The following MSRB2 variants were observed in gnomAD, a reference collection of about 807,000 sequenced individuals.
MSRB2 encodes the protein methionine sulfoxide reductase B2, also known as methionine-R-sulfoxide reductase B2, mitochondrial.
In MSRB2, 17 loss-of-function variants were observed where a neutral mutation model predicts 19.0. That is an observed-to-expected ratio of 0.89 (90% CI 0.61 to 1.34). The LOEUF (loss-of-function observed/expected upper bound fraction) is 1.34. MSRB2 is among the 40% of genes most tolerant of loss of function. The probability of loss-of-function intolerance (pLI) is 0.00; values close to 1 mark genes in which losing one functional copy is unlikely to be tolerated. For missense variants in MSRB2, 208 were observed against 237.6 expected (o/e 0.88, Z 0.82); for synonymous variants, 107 against 99.7 (o/e 1.07, Z -0.44).
chr10:23,100,178 C>T (rs766376337), intron 1 of MSRB2, among the ~76,000 whole-genome samples: 3 of 152,158 alleles, frequency 2.0e-5, no homozygotes, highest in African/African-American at 7.2e-5. Flanking sequence ...TATCATGATG[C>T]GTTTAGTCCT....
At chr10:23,119,948 T>C (rs558130075) in intron 4 of MSRB2, among the ~76,000 whole-genome samples, 1 of 152,336 alleles carries the variant, frequency 6.6e-6, no homozygotes, top group Non-Finnish European at 1.5e-5. Flanking sequence ...CTCCCTTCAA[T>C]CTGGGCACTG....
In MSRB2 at chr10:23,096,352, CTGTGTG is replaced by C. The variant is rs767702970; in HGVS notation, c.118+642_118+647del. ...TGTGTGTGTGTGTCTCTCTCTCTCT[CTGTGTG>C]TGTGTGTGTGTGTGTTTCTGCTAAA... On this transcript the variant is annotated intron_variant, in intron 1 of 4. Coordinates refer to ENST00000376510, the MANE Select transcript of MSRB2 (RefSeq NM_012228.4). Among the ~76,000 whole-genome samples, 1,238 of 142,826 alleles carry C rather than the reference CTGTGTG, an allele frequency of 8.7e-3. 13 individuals carry two copies. The highest frequency in any genetic ancestry group is 0.013 in the Non-Finnish European group (858 of 66,286). The allele number at this position is 142,826 out of a possible 152,430, so 93.7% of individuals were successfully genotyped here. A position where few individuals can be genotyped will look rare whatever the true frequency, so the allele number is the denominator to read the frequency against.
Position 23,104,334 on chromosome 10 carries a change from C to T in MSRB2, c.219+90C>T. The T allele has an allele frequency of 3.1e-6, 3 of 960,652 alleles. No individual in the cohort carries two copies. The South Asian group carries it at 4.9e-5, about 16-fold the overall frequency. 59.5% of individuals were successfully genotyped at this position (960,652 alleles called of 1,614,324 possible). ...GGTCCAGCTATGAAACCCAGCTGCC[C>T]AGCAACACTCCACAGGCCTGGTCTT... On this transcript the variant is annotated intron_variant, in intron 2 of 4. Coordinates refer to ENST00000376510, the MANE Select transcript of MSRB2 (RefSeq NM_012228.4).
At chr10:23,105,935 C>A (rs1489975860) in intron 2 of MSRB2, among the ~76,000 whole-genome samples, 1 of 152,172 alleles carries the variant, frequency 6.6e-6, no homozygotes, top group Non-Finnish European at 1.5e-5. Flanking sequence ...CTACATTAGC[C>A]ATTTGTGTAG....
intron 3 of MSRB2, 104 bp from the exon 4 acceptor site, chr10:23,119,200 G>A: frequency 7.2e-7 from 1 of 1,394,214 alleles, no homozygotes; most frequent in South Asian, 1.2e-5. Flanking sequence ...TGGCAGAGGA[G>A]AGTGGGAACA....
At chr10:23,104,101 G>A (rs1383110038) in intron 1 of MSRB2, 43 bp from the exon 2 acceptor site, 2 of 1,522,744 alleles carry the variant, frequency 1.3e-6, no homozygotes, top group Non-Finnish European at 1.8e-6. Flanking sequence ...AGTCCATCAG[G>A]CATTTTTGTT....
At chr10:23,106,757 T>C (rs1839991442) in intron 2 of MSRB2, among the ~76,000 whole-genome samples, 1 of 152,206 alleles carries the variant, frequency 6.6e-6, no homozygotes, top group Non-Finnish European at 1.5e-5. Flanking sequence ...ACAGGCCTAG[T>C]GGAGGCCATG....
At chr10:23,113,656 G>T (rs1840078961) in intron 3 of MSRB2, among the ~76,000 whole-genome samples, 1 of 152,140 alleles carries the variant, frequency 6.6e-6, no homozygotes, top group South Asian at 2.1e-4. Flanking sequence ...GTGGCTGCAG[G>T]TATAATTAGT....
At chr10:23,096,007 G>A (rs1030119335) in intron 1 of MSRB2, among the ~76,000 whole-genome samples, 1 of 151,954 alleles carries the variant, frequency 6.6e-6, no homozygotes, top group African/African-American at 2.4e-5. Context: ...CGGGGAGTGG[G>A]GGCATAAGTG....
At chr10:23,104,975 G>A (rs1337146617) in intron 2 of MSRB2, among the ~76,000 whole-genome samples, 1 of 152,156 alleles carries the variant, frequency 6.6e-6, no homozygotes, top group Non-Finnish European at 1.5e-5. Flanking sequence ...TTCCTTCATA[G>A]CATTTGCCAT....
intron 2 of MSRB2, among the ~76,000 whole-genome samples, chr10:23,105,208 G>C (rs866041478): frequency 2.7e-3 from 344 of 129,792 alleles, no homozygotes; most frequent in African/African-American, 8.6e-3. Flanking sequence ...CTCTCTCTGT[G>C]TGTCTGTGTG....
At chr10:23,119,846 C>T (rs376702093) in intron 4 of MSRB2, among the ~76,000 whole-genome samples, 2 of 152,100 alleles carry the variant, frequency 1.3e-5, no homozygotes, top group African/African-American at 2.4e-5. Flanking sequence ...CCACCTGCCT[C>T]GGCCTCCCAA....
chr10:23,102,411 G>C (rs1465818518), intron 1 of MSRB2, among the ~76,000 whole-genome samples: 1 of 151,632 alleles, frequency 6.6e-6, no homozygotes, highest in Non-Finnish European at 1.5e-5. Flanking sequence ...TTTTTTTCTG[G>C]GATCTAGAAT....
At chr10:23,115,560 A>C (rs537715888) in intron 3 of MSRB2, among the ~76,000 whole-genome samples, 54 of 152,350 alleles carry the variant, frequency 3.5e-4, no homozygotes, top group African/African-American at 1.0e-3. Context: ...GAACTTCCAG[A>C]AATCAAGGAA....
chr10:23,112,778 T>G (rs1418609898), intron 3 of MSRB2, among the ~76,000 whole-genome samples: 2 of 152,168 alleles, frequency 1.3e-5, no homozygotes, highest in African/African-American at 4.8e-5. Flanking sequence ...GAGACGGGGT[T>G]TCACCATGTT....
chr10:23,109,840 C>T (rs1273733658), intron 2 of MSRB2, among the ~76,000 whole-genome samples: 1 of 152,188 alleles, frequency 6.6e-6, no homozygotes, highest in Non-Finnish European at 1.5e-5. Flanking sequence ...TATATTCTGT[C>T]TTTAATTGGA....
intron 3 of MSRB2, among the ~76,000 whole-genome samples, chr10:23,112,829 C>A (rs765937973): frequency 2.5e-4 from 38 of 152,114 alleles, no homozygotes; most frequent in Non-Finnish European, 4.4e-4. Flanking sequence ...GGTGATCCAC[C>A]CGCTTTGGCC....
intron 2 of MSRB2, among the ~76,000 whole-genome samples, chr10:23,107,606 G>A (rs764229222): frequency 5.3e-5 from 8 of 152,130 alleles, no homozygotes; most frequent in Admixed American, 2.0e-4. Flanking sequence ...TCCCCCCTTC[G>A]TAGTGAAGGG....
intron 3 of MSRB2, among the ~76,000 whole-genome samples, chr10:23,117,197 G>C (rs1006683821): frequency 6.6e-6 from 1 of 152,188 alleles, no homozygotes; most frequent in Non-Finnish European, 1.5e-5. Context: ...ACAGATCCCA[G>C]ATTCACACAC....
Sources: allele counts gnomAD v4.1 joint callset (sites outside exome capture counted in the v4.1 genomes callset), GRCh38; gene constraint gnomAD v4.1.1; transcripts MANE v1.5; gene names NCBI Gene and HGNC (gene_info 2026-07-23, HGNC 2026-07-21).